Variants in SLC4A4 observed in about 807,000 individuals in gnomAD.
SLC4A4 encodes the protein solute carrier family 4 member 4, also known as electrogenic sodium bicarbonate cotransporter 1.
A neutral mutation model predicts 111.5 loss-of-function variants in SLC4A4; 27 were observed. That is an observed-to-expected ratio of 0.24 (90% CI 0.18 to 0.33). SLC4A4 has a LOEUF of 0.33. Among genes scored for constraint, SLC4A4 ranks in the 10% least tolerant of loss-of-function variants. SLC4A4 has a pLI of 1.00. For synonymous variants in SLC4A4, 443 were observed against 463.4 expected (o/e 0.96, Z 0.57); for missense variants, 909 against 1,315.5 (o/e 0.69, Z 4.78).
At chr4:71,539,869 C>T (rs982509275) in intron 18 of SLC4A4, among the ~76,000 whole-genome samples, 1 of 152,168 alleles carries the variant, frequency 6.6e-6, no homozygotes, top group African/African-American at 2.4e-5. Flanking sequence ...TCTCTTTGGC[C>T]CACATGGCTC....
intron 8 of SLC4A4, among the ~76,000 whole-genome samples, chr4:71,446,183 T>TAA (rs57177869): frequency 3.0e-4 from 46 of 151,340 alleles, no homozygotes; most frequent in Middle Eastern, 6.8e-3. Flanking sequence ...AATTTTATGA[T>TAA]AAAAAAAAAG....
In SLC4A4 at chr4:71,123,604, A is replaced by T. The variant is rs548847789; in HGVS notation, c.-2+30812A>T. Among the ~76,000 whole-genome samples, 27 of 152,332 alleles carry T rather than the reference A, an allele frequency of 1.8e-4. 1 individual carries two copies. Among genetic ancestry groups the T allele is most frequent in the African/African-American group, 6.3e-4 (26 of 41,586 alleles). On this transcript the variant is annotated intron_variant, in intron 2 of 26. Transcript: ENST00000649996. ...TGAAGTATATACTAATTTGAAAAAA[A>T]TTAGCAACAGTAAAATAAGTAAATG... is the stretch of plus-strand genomic sequence containing the variant.
intron 7 of SLC4A4, among the ~76,000 whole-genome samples, chr4:71,421,659 A>T (rs1450379679): frequency 6.6e-6 from 1 of 152,232 alleles, no homozygotes; most frequent in Non-Finnish European, 1.5e-5. Context: ...ATGCAATCAA[A>T]CTAGAACTCA....
intron 16 of SLC4A4, among the ~76,000 whole-genome samples, chr4:71,517,206 C>T (rs1409066207): frequency 1.3e-5 from 2 of 151,818 alleles, no homozygotes; most frequent in Non-Finnish European, 2.9e-5. Context: ...CTCTCTTTTT[C>T]TTCTTGCTCT....
chr4:71,191,966 A>G (rs1166168621), intron 1 of SLC4A4, among the ~76,000 whole-genome samples: 1 of 152,154 alleles, frequency 6.6e-6, no homozygotes, highest in African/African-American at 2.4e-5. Context: ...TTTGGGGATT[A>G]AAAAAATCAA....
intron 2 of SLC4A4, among the ~76,000 whole-genome samples, chr4:71,252,963 A>G (rs1414604581): frequency 6.6e-6 from 1 of 152,138 alleles, no homozygotes; most frequent in African/African-American, 2.4e-5. Context: ...GAGGAACAAC[A>G]TTTCTGCTTG....
intron 7 of SLC4A4, among the ~76,000 whole-genome samples, chr4:71,428,844 G>A (rs1723386038): frequency 1.3e-5 from 2 of 151,920 alleles, no homozygotes; most frequent in East Asian, 1.9e-4. Flanking sequence ...ATAGCAATGG[G>A]TATAAGCTTT....
At chr4:71,527,927 A>G (rs761901122) in intron 16 of SLC4A4, among the ~76,000 whole-genome samples, 1 of 152,086 alleles carries the variant, frequency 6.6e-6, no homozygotes, top group Admixed American at 6.6e-5. Context: ...AGGAAAGAAG[A>G]GACCAAAGTC....
chr4:71,509,422 G>A (rs1051711908), intron 16 of SLC4A4, among the ~76,000 whole-genome samples: 1 of 145,932 alleles, frequency 6.9e-6, no homozygotes, highest in Non-Finnish European at 1.5e-5. Flanking sequence ...TTTTTTTTCT[G>A]TAAATGGGTC....
At chr4:71,559,055 A>G (rs1201600921) in intron 22 of SLC4A4, among the ~76,000 whole-genome samples, 1 of 151,872 alleles carries the variant, frequency 6.6e-6, no homozygotes, top group Non-Finnish European at 1.5e-5. Flanking sequence ...AAAATGGTTT[A>G]CTTTTCCAAA....
chr4:71,289,278 T>C (rs1162395302), intron 3 of SLC4A4, among the ~76,000 whole-genome samples: 2 of 152,192 alleles, frequency 1.3e-5, no homozygotes, highest in East Asian at 1.9e-4. Flanking sequence ...GAAAATGGGA[T>C]TCCCTTGCAC....
At chr4:71,262,815 T>C (rs1721960471) in intron 3 of SLC4A4, among the ~76,000 whole-genome samples, 1 of 152,252 alleles carries the variant, frequency 6.6e-6, no homozygotes, top group South Asian at 2.1e-4. Context: ...CGGGTGTCAT[T>C]TCTTTGGGAA....
At chr4:71,504,777 T>C (rs866060340) in intron 16 of SLC4A4, among the ~76,000 whole-genome samples, 7 of 152,086 alleles carry the variant, frequency 4.6e-5, no homozygotes, top group African/African-American at 7.2e-5. Flanking sequence ...GTTTGTTACA[T>C]AGGTAAATTT....
chr4:71,111,687 G>A (rs976793508), intron 2 of SLC4A4, among the ~76,000 whole-genome samples: 2 of 138,384 alleles, frequency 1.4e-5, no homozygotes, highest in Non-Finnish European at 1.5e-5. Flanking sequence ...GTGCCTGGCC[G>A]CTAAATTTCT....
At chr4:71,409,131 G>A (rs1181616194) in intron 7 of SLC4A4, among the ~76,000 whole-genome samples, 2 of 152,110 alleles carry the variant, frequency 1.3e-5, no homozygotes, top group Non-Finnish European at 2.9e-5. Flanking sequence ...CTAGTCTTGG[G>A]TATGTCTTTA....
chr4:71,251,986 C>G (rs1721098642), intron 2 of SLC4A4, among the ~76,000 whole-genome samples: 1 of 152,136 alleles, frequency 6.6e-6, no homozygotes, highest in Non-Finnish European at 1.5e-5. Flanking sequence ...GAAAACAATA[C>G]TATATCCTCA....
chr4:71,498,649 A>G (rs1231546107), intron 16 of SLC4A4, among the ~76,000 whole-genome samples: 2 of 152,284 alleles, frequency 1.3e-5, no homozygotes, highest in South Asian at 4.1e-4. Context: ...TTCTTACAAA[A>G]TTGAAAATAA....
At chr4:71,228,164 C>T (rs1416389248) in intron 1 of SLC4A4, among the ~76,000 whole-genome samples, 2 of 152,206 alleles carry the variant, frequency 1.3e-5, no homozygotes, top group Admixed American at 1.3e-4. Flanking sequence ...CCTTTTCTCA[C>T]CCCAGAGTCT....
At chr4:71,245,645 G>A (rs1047717326) in intron 2 of SLC4A4, among the ~76,000 whole-genome samples, 5 of 152,010 alleles carry the variant, frequency 3.3e-5, no homozygotes, top group Admixed American at 1.3e-4. Flanking sequence ...GTGAGATACC[G>A]CAGTAGAACT....
Sources: gnomAD v4.1 joint callset for allele counts (sites outside exome capture counted in the v4.1 genomes callset) on GRCh38, gnomAD v4.1.1 for gene constraint, MANE v1.5 for transcripts, NCBI Gene and HGNC (gene_info 2026-07-23, HGNC 2026-07-21) for gene names.